Variants in IGF2BP3 observed in about 807,000 individuals in gnomAD.
IGF2BP3 encodes insulin-like growth factor 2 mRNA-binding protein 3.
IGF2BP3 carries 9 observed loss-of-function variants against 73.8 expected under a neutral mutation model. The observed-to-expected ratio is 0.12, with a 90% CI of 0.07 to 0.21. IGF2BP3 has a LOEUF of 0.21. Ranked by LOEUF, IGF2BP3 falls within the 10% of genes least tolerant of loss-of-function variation. The pLI, the probability that IGF2BP3 is intolerant of heterozygous loss-of-function variation, is 1.00. For synonymous variants in IGF2BP3, 258 were observed against 256.7 expected, an observed-to-expected ratio of 1.01 and a Z score of -0.05; for missense variants, 542 against 714.0, an observed-to-expected ratio of 0.76 and a Z score of 2.75.
intron 2 of IGF2BP3, among the ~76,000 whole-genome samples, chr7:23,426,038 C>G (rs1167234313): frequency 1.3e-5 from 2 of 151,830 alleles, no homozygotes; most frequent in African/African-American, 4.8e-5. Context: ...TAAAAATGAC[C>G]AAAATTGTCT....
At chr7:23,414,488 A>T (rs1251238697) in intron 3 of IGF2BP3, 1 of 152,246 alleles carries the variant, frequency 6.6e-6, no homozygotes, top group Non-Finnish European at 1.5e-5. Flanking sequence ...GTGACTTCAC[A>T]GAATCTGGCT....
chr7:23,337,198 A>G (rs1410769042), intron 10 of IGF2BP3, among the ~76,000 whole-genome samples: 1 of 152,210 alleles, frequency 6.6e-6, no homozygotes, highest in Non-Finnish European at 1.5e-5. Flanking sequence ...ATATACTCAA[A>G]CAACACTTGT....
intron 2 of IGF2BP3, among the ~76,000 whole-genome samples, chr7:23,451,128 T>C (rs1788186894): frequency 6.6e-6 from 1 of 151,674 alleles, no homozygotes; most frequent in Admixed American, 6.6e-5. Context: ...TTTATAAGAG[T>C]GTTTTAGGGC....
intron 3 of IGF2BP3, among the ~76,000 whole-genome samples, chr7:23,383,140 T>G: frequency 6.6e-6 from 1 of 152,060 alleles, no homozygotes; most frequent in East Asian, 1.9e-4. Flanking sequence ...TAAAGACTAG[T>G]TTATCAAAAT....
At chr7:23,417,157 A>C (rs1787215023) in intron 3 of IGF2BP3, among the ~76,000 whole-genome samples, 1 of 152,236 alleles carries the variant, frequency 6.6e-6, no homozygotes, top group African/African-American at 2.4e-5. Flanking sequence ...ACCTAACAGC[A>C]GCAGCCCATC....
intron 5 of IGF2BP3, among the ~76,000 whole-genome samples, chr7:23,357,103 T>C (rs1785114938): frequency 6.6e-6 from 1 of 152,244 alleles, no homozygotes; most frequent in African/African-American, 2.4e-5. Flanking sequence ...GTCTCACTGC[T>C]TTATTTCTTT....
At chr7:23,334,133 CGAGACCAGCTG>C (rs1444953083) in intron 10 of IGF2BP3, among the ~76,000 whole-genome samples, 1 of 152,002 alleles carries the variant, frequency 6.6e-6, no homozygotes, top group Non-Finnish European at 1.5e-5. Flanking sequence ...GTCAGGAGTT[CGAGACCAGCTG>C]GGCTGATATG....
chr7:23,468,384 A>AG (rs1314070355), intron 2 of IGF2BP3, 98 bp downstream of exon 2: 3 of 1,214,312 alleles, frequency 2.5e-6, no homozygotes, highest in African/African-American at 3.0e-5. Flanking sequence ...GCCACACGGC[A>AG]GGGGGTAAGC....
At chr7:23,397,049 A>T (rs1048733314) in intron 3 of IGF2BP3, among the ~76,000 whole-genome samples, 1 of 152,118 alleles carries the variant, frequency 6.6e-6, no homozygotes, top group Non-Finnish European at 1.5e-5. Flanking sequence ...CTTCCATTCG[A>T]CTATTCTGAG....
At chr7:23,393,772 T>C (rs1436874084) in intron 3 of IGF2BP3, among the ~76,000 whole-genome samples, 2 of 152,190 alleles carry the variant, frequency 1.3e-5, no homozygotes, top group East Asian at 3.9e-4. Context: ...TGCAAACAAC[T>C]GGCTGTGATT....
chr7:23,453,551 T>C (rs1192302584), intron 2 of IGF2BP3, among the ~76,000 whole-genome samples: 1 of 152,222 alleles, frequency 6.6e-6, no homozygotes, highest in South Asian at 2.1e-4. Flanking sequence ...TATTGTACGA[T>C]ATTGCTGATT....
rs560351234 is a variant in IGF2BP3, at chr7:23,440,882, A to G, written c.237-22058T>C. 5.9e-5 allele frequency among the ~76,000 whole-genome samples: 9 copies of G among 152,294 alleles called. No individual in the cohort carries two copies. In the South Asian group the frequency reaches 1.5e-3, roughly 25 times the overall value. On this transcript the variant is annotated intron_variant, in intron 2 of 14. Coordinates refer to ENST00000258729, the MANE Select transcript of IGF2BP3 (RefSeq NM_006547.3). The stretch of plus-strand genomic sequence containing the variant: ...ATTAAACCTTGAACATAAGAATACA[A>G]TATCAGTTGCAAGCATTTGGGATTC...
intron 2 of IGF2BP3, 151 bp downstream of exon 2, chr7:23,468,331 C>G (rs894927366): frequency 8.9e-6 from 7 of 785,424 alleles, no homozygotes; most frequent in Non-Finnish European, 1.5e-5. Flanking sequence ...ACACACACCC[C>G]CGCCATAAAC....
intron 2 of IGF2BP3, among the ~76,000 whole-genome samples, chr7:23,441,574 T>TA (rs769391858): frequency 0.047 from 2,664 of 56,862 alleles, 289 homozygotes; most frequent in Non-Finnish European, 0.064. Context: ...CTCCATCTCT[T>TA]AAAAAAAAAA....
intron 3 of IGF2BP3, among the ~76,000 whole-genome samples, chr7:23,387,177 A>G (rs35620312): frequency 0.21 from 32,291 of 152,086 alleles, 4,068 homozygotes; most frequent in East Asian, 0.43. Flanking sequence ...CCCTTGATAT[A>G]ATGAGAATGA....
intron 3 of IGF2BP3, among the ~76,000 whole-genome samples, chr7:23,369,966 T>G (rs139558296): frequency 1.3e-5 from 2 of 152,340 alleles, no homozygotes; most frequent in African/African-American, 4.8e-5. Flanking sequence ...TGCTTGCCTG[T>G]AGCCTAACAC....
intron 6 of IGF2BP3, among the ~76,000 whole-genome samples, chr7:23,348,959 T>C (rs1319583005): frequency 6.6e-6 from 1 of 152,194 alleles, no homozygotes; most frequent in Non-Finnish European, 1.5e-5. Context: ...AATAATGCAA[T>C]TCACATCATG....
chr7:23,375,416 G>A (rs992563584), intron 3 of IGF2BP3, among the ~76,000 whole-genome samples: 3 of 152,270 alleles, frequency 2.0e-5, no homozygotes, highest in Middle Eastern at 3.4e-3. Context: ...GGGGAGTCAA[G>A]CAAAGAACTA....
chr7:23,400,590 G>C (rs935548602), intron 3 of IGF2BP3, among the ~76,000 whole-genome samples: 3 of 152,150 alleles, frequency 2.0e-5, no homozygotes, highest in Admixed American at 6.5e-5. Context: ...GGCTGTACTT[G>C]TTCCACCCAC....
Sources: gnomAD v4.1 joint callset for allele counts (sites outside exome capture counted in the v4.1 genomes callset) on GRCh38, gnomAD v4.1.1 for gene constraint, MANE v1.5 for transcripts, NCBI Gene and HGNC (gene_info 2026-07-23, HGNC 2026-07-21) for gene names.